The following RPA1 variants were observed in gnomAD, a reference collection of about 807,000 sequenced individuals.
RPA1 encodes replication protein A1.
RPA1 carries 49 observed loss-of-function variants against 83.0 expected under a neutral mutation model. The observed-to-expected ratio is 0.59, with a 90% CI of 0.47 to 0.75. The LOEUF is 0.75. Among genes scored for constraint, RPA1 ranks in the 30% least tolerant of loss-of-function variants. The pLI is 0.00. For synonymous variants in RPA1, 279 were observed against 281.8 expected, an observed-to-expected ratio of 0.99 and a Z score of 0.10; for missense variants, 693 against 776.1, an observed-to-expected ratio of 0.89 and a Z score of 1.27.
chr17:1,874,367 G>A (rs549993346), intron 6 of RPA1, among the ~76,000 whole-genome samples: 2 of 151,772 alleles, frequency 1.3e-5, no homozygotes, highest in Non-Finnish European at 2.9e-5. Flanking sequence ...TCAGCTGGGC[G>A]TGGTGGTGCA....
chr17:1,885,289 A>G (rs1317815452), intron 13 of RPA1, among the ~76,000 whole-genome samples: 1 of 152,180 alleles, frequency 6.6e-6, no homozygotes, highest in Non-Finnish European at 1.5e-5. Flanking sequence ...AGATTACAGC[A>G]GTTCAGGCCC....
intron 15 of RPA1, among the ~76,000 whole-genome samples, chr17:1,893,924 G>A (rs533521284): frequency 2.2e-4 from 33 of 151,772 alleles, no homozygotes; most frequent in African/African-American, 5.1e-4. Flanking sequence ...CGTGGTGTGC[G>A]ATCATGGCTC....
At chr17:1,831,378 G>T (rs1173193301) in intron 1 of RPA1, among the ~76,000 whole-genome samples, 1 of 151,876 alleles carries the variant, frequency 6.6e-6, no homozygotes, top group Non-Finnish European at 1.5e-5. Context: ...AGTGTATTTT[G>T]CCTCTGCGTA....
At chr17:1,864,743 A>T (rs1035195322) in intron 5 of RPA1, among the ~76,000 whole-genome samples, 1 of 150,848 alleles carries the variant, frequency 6.6e-6, no homozygotes, top group Non-Finnish European at 1.5e-5. Flanking sequence ...TACTAAAAAT[A>T]AAAAAAATTA....
intron 4 of RPA1, among the ~76,000 whole-genome samples, chr17:1,850,066 G>A (rs1912428865): frequency 6.6e-6 from 1 of 151,768 alleles, no homozygotes; most frequent in Non-Finnish European, 1.5e-5. Context: ...CAGCTACTCG[G>A]GGGACTGAGG....
intron 5 of RPA1, among the ~76,000 whole-genome samples, chr17:1,860,764 T>C (rs1912926005): frequency 6.6e-6 from 1 of 152,184 alleles, no homozygotes; most frequent in Admixed American, 6.5e-5. Context: ...TTTTCATGCC[T>C]GGCCCTCGGA....
At position 1,879,145 on chromosome 17, in the gene RPA1, G is replaced by A. The variant is rs959379233; in HGVS notation, c.760-70G>A. ...ACGCTGGCCCAGGGGAGGGGTGTGT[G>A]GTGGCAGACTAGGGGTTTCTGTCCG... On this transcript the variant is annotated intron_variant, in intron 9 of 16. Transcript: ENST00000254719. The A allele has an allele frequency of 9.9e-6, 16 of 1,609,342 alleles. No individual in the cohort carries two copies. In the Admixed American group the frequency reaches 2.5e-4, roughly 25 times the overall value.
At chr17:1,840,647 C>T (rs1346071321) in intron 1 of RPA1, among the ~76,000 whole-genome samples, 2 of 152,174 alleles carry the variant, frequency 1.3e-5, no homozygotes, top group Non-Finnish European at 1.5e-5. Flanking sequence ...TGAGCTCAAG[C>T]GATCCTCCTG....
chr17:1,895,233 C>A, intron 16 of RPA1, 138 bp downstream of exon 16: 1 of 521,510 alleles, frequency 1.9e-6, no homozygotes, highest in Non-Finnish European at 3.4e-6. Flanking sequence ...AACACAGGTG[C>A]TGTTATGATC....
intron 1 of RPA1, among the ~76,000 whole-genome samples, chr17:1,836,107 CT>C (rs1020374387): frequency 7.2e-4 from 53 of 73,380 alleles, no homozygotes; most frequent in African/African-American, 1.4e-3. Context: ...TAAATTGCAC[CT>C]TTTTTATTTA....
intron 14 of RPA1, among the ~76,000 whole-genome samples, chr17:1,890,131 A>C (rs1410140287): frequency 6.6e-6 from 1 of 152,190 alleles, no homozygotes; most frequent in Non-Finnish European, 1.5e-5. Flanking sequence ...GCACTTTGGA[A>C]GGCTGAGGCA....
intron 1 of RPA1, among the ~76,000 whole-genome samples, chr17:1,833,116 AG>A (rs1221288098): frequency 6.6e-6 from 1 of 151,538 alleles, no homozygotes; most frequent in Non-Finnish European, 1.5e-5. Flanking sequence ...TAGTAGAGAC[AG>A]GGTTTCGCCA....
intron 5 of RPA1, 95 bp downstream of exon 5, chr17:1,853,284 T>A: frequency 1.1e-6 from 1 of 934,548 alleles, no homozygotes; most frequent in Non-Finnish European, 1.7e-6. Flanking sequence ...TTGTTAGTGT[T>A]AATAAAATGA....
At position 1,888,859 on chromosome 17, in the gene RPA1, G is replaced by T. The variant is rs750332182; in HGVS notation, c.1551+8G>T. 17 of 1,610,488 alleles carry T rather than the reference G, an allele frequency of 1.1e-5. No homozygotes were observed. In the South Asian group the frequency reaches 1.9e-4, roughly 18 times the overall value. On this transcript the variant is annotated splice_region_variant and intron_variant, in intron 14 of 16. Transcript: ENST00000254719. ...TACCGCATGATCCTGTCAGTAAGTA[G>T]CCTCGGTAGATGAGAACCACGGTTG...
At chr17:1,890,112 G>A (rs1228417238) in intron 14 of RPA1, among the ~76,000 whole-genome samples, 1 of 152,226 alleles carries the variant, frequency 6.6e-6, no homozygotes, top group Non-Finnish European at 1.5e-5. Context: ...ACTTGTGCCT[G>A]TAACCCCAGC....
rs80037128 is a variant in RPA1, at chr17:1,850,893, C to A, written c.273-2208C>A. Among the ~76,000 whole-genome samples, 173 of 145,080 alleles carry A rather than the reference C, an allele frequency of 1.2e-3. 1 individual carries two copies. The highest frequency in any genetic ancestry group is 4.1e-3 in the African/African-American group (162 of 39,482). ...GGTGACAGAGTGAGACTCTCTCTCT[C>A]AAAAAAAAAAATAAGAATTATCTTA... is the stretch of plus-strand genomic sequence containing the variant. On this transcript the variant is annotated intron_variant, in intron 4 of 16. Coordinates refer to ENST00000254719, the MANE Select transcript of RPA1 (RefSeq NM_002945.5).
intron 8 of RPA1, among the ~76,000 whole-genome samples, chr17:1,878,718 T>G (rs751038785): frequency 9.2e-5 from 14 of 152,206 alleles, no homozygotes; most frequent in Non-Finnish European, 1.8e-4. Context: ...TTTGTTCTGT[T>G]CTGTTTCTCA....
At chr17:1,831,793 G>GT (rs1429443296) in intron 1 of RPA1, among the ~76,000 whole-genome samples, 1 of 150,750 alleles carries the variant, frequency 6.6e-6, no homozygotes, top group Admixed American at 6.6e-5. Flanking sequence ...TAGAGACGGG[G>GT]TTTCACCGTG....
chr17:1,868,335 G>A (rs62067474), intron 5 of RPA1, among the ~76,000 whole-genome samples: 36,125 of 152,088 alleles, frequency 0.24, 4,406 homozygotes, highest in African/African-American at 0.26. Flanking sequence ...TGTTGGGAAA[G>A]GACGCACACT....
Sources: gnomAD v4.1 joint callset for allele counts (sites outside exome capture counted in the v4.1 genomes callset) on GRCh38, gnomAD v4.1.1 for gene constraint, MANE v1.5 for transcripts, NCBI Gene and HGNC (gene_info 2026-07-23, HGNC 2026-07-21) for gene names.